The following PCDHA9 variants were observed in gnomAD, a reference collection of about 807,000 sequenced individuals.
The protein encoded by PCDHA9 is protocadherin alpha 9, also known as protocadherin alpha-9.
A neutral mutation model predicts 62.0 loss-of-function variants in PCDHA9; 62 were observed. The observed-to-expected ratio is 1.00, with a 90% CI of 0.81 to 1.23. The LOEUF (loss-of-function observed/expected upper bound fraction) is 1.23, where lower values mean the gene tolerates loss of function less well. Among genes scored for constraint, PCDHA9 ranks in the 50% most tolerant of loss-of-function variants. The probability of loss-of-function intolerance (pLI) is 0.00; values close to 1 mark genes in which losing one functional copy is unlikely to be tolerated. For synonymous variants in PCDHA9, 557 were observed against 567.6 expected (o/e 0.98, Z 0.27); for missense variants, 1,205 against 1,249.8 (o/e 0.96, Z 0.54).
At chr5:140,882,343 G>T (rs1554173636) in intron 1 of PCDHA9, 1 of 1,614,198 alleles carries the variant, frequency 6.2e-7, no homozygotes, top group Admixed American at 1.7e-5. Context: ...CAGCCTGGGA[G>T]ACGGGTAGTG....
chr5:140,883,421 G>A (rs1398671591), intron 1 of PCDHA9: 1 of 1,614,022 alleles, frequency 6.2e-7, no homozygotes, highest in Non-Finnish European at 8.5e-7. Flanking sequence ...AAATGGACAG[G>A]TCACCTGCAC....
intron 1 of PCDHA9, among the ~76,000 whole-genome samples, chr5:140,906,171 C>T (rs2072420841): frequency 6.6e-6 from 1 of 152,178 alleles, no homozygotes; most frequent in Non-Finnish European, 1.5e-5. Flanking sequence ...AGGAACAATA[C>T]TTTGCATCCT....
intron 1 of PCDHA9, among the ~76,000 whole-genome samples, chr5:140,957,571 G>A (rs2095367794): frequency 6.6e-6 from 1 of 152,068 alleles, no homozygotes; most frequent in African/African-American, 2.4e-5. Flanking sequence ...AGGGACTACT[G>A]TACTTTTAAC....
intron 1 of PCDHA9, among the ~76,000 whole-genome samples, chr5:140,919,772 A>G (rs1421766938): frequency 6.6e-6 from 1 of 152,102 alleles, no homozygotes; most frequent in Non-Finnish European, 1.5e-5. Context: ...TATTACTGTT[A>G]CACATATTAC....
chr5:140,928,605 C>T, intron 1 of PCDHA9: 1 of 1,614,208 alleles, frequency 6.2e-7, no homozygotes, highest in South Asian at 1.1e-5. Flanking sequence ...AAATTGTGCC[C>T]CGCTCTGCCA....
chr5:140,862,679 TG>T, intron 1 of PCDHA9: 1 of 551,310 alleles, frequency 1.8e-6, no homozygotes, highest in Non-Finnish European at 3.6e-6. Flanking sequence ...GAGAACGTGC[TG>T]GTGTCCTACT....
At chr5:140,927,526 G>T in intron 1 of PCDHA9, 3 of 1,614,086 alleles carry the variant, frequency 1.9e-6, no homozygotes, top group Non-Finnish European at 2.5e-6. Flanking sequence ...CGGGCTACCT[G>T]CCCGCTCAGG....
At chr5:140,919,910 A>C (rs1350361054) in intron 1 of PCDHA9, among the ~76,000 whole-genome samples, 1 of 152,204 alleles carries the variant, frequency 6.6e-6, no homozygotes. Flanking sequence ...GGATGAAATT[A>C]CCCTAAATTT....
At chr5:140,862,999 C>T (rs547997534) in intron 1 of PCDHA9, 28 of 550,142 alleles carry the variant, frequency 5.1e-5, no homozygotes, top group African/African-American at 4.9e-4. Context: ...GCACGGTGGA[C>T]TCCAGCTATG....
intron 1 of PCDHA9, chr5:140,926,536 G>T (rs1420585785): frequency 4.6e-6 from 1 of 217,790 alleles, no homozygotes. Flanking sequence ...CGCAGCCAGC[G>T]TGGTGGTCGA....
chr5:141,005,451 C>G (rs1263058026), intron 3 of PCDHA9, among the ~76,000 whole-genome samples: 1 of 151,986 alleles, frequency 6.6e-6, no homozygotes, highest in Non-Finnish European at 1.5e-5. Flanking sequence ...CGCCTGTAAT[C>G]CCAGCACTTT....
intron 1 of PCDHA9, chr5:140,853,313 T>G: frequency 1.0e-6 from 1 of 984,212 alleles, no homozygotes; most frequent in South Asian, 4.7e-5. Flanking sequence ...AACACCTTAG[T>G]AATAAATTTA....
At chr5:140,871,376 G>A in intron 1 of PCDHA9, 2 of 1,614,196 alleles carry the variant, frequency 1.2e-6, no homozygotes, top group Non-Finnish European at 1.7e-6. Flanking sequence ...CAGAGGGTGT[G>A]CTCTGAGGAG....
At chr5:140,878,693 C>A (rs932928385) in intron 1 of PCDHA9, among the ~76,000 whole-genome samples, 6 of 152,254 alleles carry the variant, frequency 3.9e-5, no homozygotes, top group South Asian at 2.1e-4. Flanking sequence ...TCTTACATAC[C>A]CCAGCCTGGT....
chr5:140,928,998 CGT>C, intron 1 of PCDHA9: 1 of 1,613,902 alleles, frequency 6.2e-7, no homozygotes. Flanking sequence ...TACTTTTCTT[CGT>C]GTGTACCAAG....
At chr5:140,858,455 AT>A in intron 1 of PCDHA9, 2 of 1,529,258 alleles carry the variant, frequency 1.3e-6, no homozygotes, top group Non-Finnish European at 1.8e-6. Context: ...TTACGTTTTC[AT>A]TTTCCTTTTG....
chr5:140,875,340 C>A, intron 1 of PCDHA9: 1 of 1,442,242 alleles, frequency 6.9e-7, no homozygotes, highest in Non-Finnish European at 9.1e-7. Flanking sequence ...AGGATCGACT[C>A]CATAATGACT....
At chr5:140,967,708 C>A (rs782464741) in intron 1 of PCDHA9, 1 of 1,614,158 alleles carries the variant, frequency 6.2e-7, no homozygotes, top group Admixed American at 1.7e-5. Context: ...ATGCCAGTAC[C>A]GGGGAAGTGC....
chr5:140,888,586 C>T (rs1408191600), intron 1 of PCDHA9, among the ~76,000 whole-genome samples: 1 of 152,154 alleles, frequency 6.6e-6, no homozygotes, highest in East Asian at 1.9e-4. Flanking sequence ...TTTGTTAGTA[C>T]ACATTCAGAG....
Sources: gnomAD v4.1 joint callset for allele counts (sites outside exome capture counted in the v4.1 genomes callset) on GRCh38, gnomAD v4.1.1 for gene constraint, MANE v1.5 for transcripts, NCBI Gene and HGNC (gene_info 2026-07-23, HGNC 2026-07-21) for gene names.